TBCK: variants seen among roughly 807,000 people sequenced by gnomAD.
TBCK encodes TBC1 domain containing kinase.
Under a neutral mutation model 113.4 loss-of-function variants are expected in TBCK, and 99 were observed. The ratio of observed to expected loss-of-function variants is 0.87; its 90% CI spans 0.74 to 1.03. The LOEUF (loss-of-function observed/expected upper bound fraction) is 1.03. Ranked by LOEUF, TBCK falls within the 50% of genes least tolerant of loss-of-function variation. The pLI, the probability that TBCK is intolerant of heterozygous loss-of-function variation, is 0.00. For missense variants in TBCK, 1,045 were observed against 1,061.3 expected (o/e 0.98, Z 0.21); for synonymous variants, 369 against 370.8 (o/e 1.00, Z 0.05).
At chr4:106,223,133 A>C (rs945193518) in intron 19 of TBCK, among the ~76,000 whole-genome samples, 1 of 152,166 alleles carries the variant, frequency 6.6e-6, no homozygotes, top group Non-Finnish European at 1.5e-5. Context: ...AATATCATTA[A>C]AGTCATTAAG....
At chr4:106,237,397 C>T (rs1759593194) in intron 12 of TBCK, 2 of 422,836 alleles carry the variant, frequency 4.7e-6, no homozygotes, top group Admixed American at 2.6e-5. Flanking sequence ...GACAGGATTA[C>T]AGGTATTCTT....
rs192333637 is a variant in TBCK, at chr4:106,216,124, C to G, written c.1775-3289G>C. On this transcript the variant is annotated intron_variant, in intron 19 of 25. Coordinates refer to ENST00000394708, the MANE Select transcript of TBCK (RefSeq NM_001163435.3). ...CCTCCTCCTGAATGACTACTGGGTA[C>G]GTAACGAAATGAAGGCAGAAATAAA... Among the ~76,000 whole-genome samples, 12 of 152,142 alleles carry G rather than the reference C, an allele frequency of 7.9e-5. No homozygotes were observed. The East Asian group carries it at 2.3e-3, about 29-fold the overall frequency.
intron 25 of TBCK, among the ~76,000 whole-genome samples, chr4:106,090,942 C>A (rs1740151455): frequency 6.6e-6 from 1 of 152,210 alleles, no homozygotes; most frequent in African/African-American, 2.4e-5. Flanking sequence ...CTGTCTTCTT[C>A]TGAGCCTTCC....
intron 12 of TBCK, among the ~76,000 whole-genome samples, chr4:106,237,194 G>A (rs1241393029): frequency 6.6e-6 from 1 of 151,922 alleles, no homozygotes; most frequent in Non-Finnish European, 1.5e-5. Context: ...TATACTAAAA[G>A]AACAACTTAG....
intron 24 of TBCK, among the ~76,000 whole-genome samples, chr4:106,106,284 A>G (rs534210927): frequency 1.1e-3 from 173 of 152,306 alleles, no homozygotes; most frequent in African/African-American, 4.1e-3. Flanking sequence ...AAATTCAGGA[A>G]ATACAGAGAA....
chr4:106,112,359 A>T (rs1742966485), intron 24 of TBCK, among the ~76,000 whole-genome samples: 1 of 152,126 alleles, frequency 6.6e-6, no homozygotes, highest in Non-Finnish European at 1.5e-5. Flanking sequence ...TTCAGTTCTT[A>T]TCTTGTACTT....
chr4:106,174,825 T>C (rs1429414340), intron 22 of TBCK, among the ~76,000 whole-genome samples: 1 of 152,062 alleles, frequency 6.6e-6, no homozygotes, highest in Non-Finnish European at 1.5e-5. Context: ...CATTTCTATA[T>C]CAATTTCAAT....
intron 23 of TBCK, among the ~76,000 whole-genome samples, chr4:106,124,597 A>G (rs1472863436): frequency 1.3e-5 from 2 of 152,300 alleles, no homozygotes; most frequent in East Asian, 3.9e-4. Flanking sequence ...ACTTGGAGCC[A>G]ACCCAAATGT....
intron 23 of TBCK, among the ~76,000 whole-genome samples, chr4:106,150,833 TGA>T (rs1254941888): frequency 6.6e-6 from 1 of 152,168 alleles, no homozygotes; most frequent in African/African-American, 2.4e-5. Flanking sequence ...TTTGTTGAAA[TGA>T]GAGTTAACAC....
In TBCK at chr4:106,308,703, T is replaced by C. The variant is rs534652772; in HGVS notation, c.193+65A>G. On this transcript the variant is annotated intron_variant, in intron 2 of 25. Transcript: ENST00000394708. The stretch of plus-strand genomic sequence containing the variant: ...GATAGCTTTATATATTTAGTGGATA[T>C]AGTATTTATAACTTAGGGTAACAAA... 158 of 1,396,746 alleles carry C rather than the reference T, an allele frequency of 1.1e-4. 2 individuals are homozygous for C. In the South Asian group the frequency reaches 1.8e-3, roughly 16 times the overall value. The allele number at this position is 1,396,746 out of a possible 1,614,324, so 86.5% of individuals were successfully genotyped here.
At chr4:106,087,727 A>G (rs1171660499) in intron 25 of TBCK, among the ~76,000 whole-genome samples, 1 of 152,208 alleles carries the variant, frequency 6.6e-6, no homozygotes, top group Non-Finnish European at 1.5e-5. Context: ...ATTTGTACAT[A>G]TAGACCAACG....
At chr4:106,051,807 G>A (rs1734843222) in intron 25 of TBCK, among the ~76,000 whole-genome samples, 1 of 151,812 alleles carries the variant, frequency 6.6e-6, no homozygotes, top group Non-Finnish European at 1.5e-5. Flanking sequence ...ATGAAGTGCT[G>A]TCTTGTTCCA....
intron 25 of TBCK, among the ~76,000 whole-genome samples, chr4:106,058,619 T>C (rs1007499898): frequency 6.6e-6 from 1 of 151,666 alleles, no homozygotes; most frequent in African/African-American, 2.4e-5. Flanking sequence ...TGCAAGTAGG[T>C]AATTATGGCT....
intron 3 of TBCK, among the ~76,000 whole-genome samples, chr4:106,269,827 C>G (rs1324388445): frequency 5.3e-5 from 8 of 152,118 alleles, no homozygotes; most frequent in African/African-American, 1.7e-4. Context: ...AACTTGAATA[C>G]TAGATAACTT....
chr4:106,295,284 C>G (rs1766178001), intron 2 of TBCK, 118 bp from the exon 3 acceptor site: 1 of 702,850 alleles, frequency 1.4e-6, no homozygotes, highest in East Asian at 2.7e-5. Flanking sequence ...TTTAAAAGAG[C>G]CTTTCAAACT....
chr4:106,157,058 T>A (rs1191614932), intron 23 of TBCK, among the ~76,000 whole-genome samples: 1 of 152,130 alleles, frequency 6.6e-6, no homozygotes, highest in East Asian at 1.9e-4. Context: ...TATTCAGTAG[T>A]TGATGGGTCC....
chr4:106,102,265 C>T (rs770073036), intron 24 of TBCK, among the ~76,000 whole-genome samples: 9 of 152,130 alleles, frequency 5.9e-5, no homozygotes, highest in Non-Finnish European at 1.3e-4. Flanking sequence ...TTCCCTTGGC[C>T]CACATTGGGG....
At chr4:106,293,334 G>A (rs1765920875) in intron 3 of TBCK, among the ~76,000 whole-genome samples, 1 of 152,166 alleles carries the variant, frequency 6.6e-6, no homozygotes, top group Admixed American at 6.5e-5. Flanking sequence ...ATGAACATAA[G>A]CAACAGACTT....
intron 22 of TBCK, among the ~76,000 whole-genome samples, chr4:106,173,399 C>A (rs1253529144): frequency 1.3e-5 from 2 of 152,120 alleles, no homozygotes; most frequent in African/African-American, 4.8e-5. Context: ...AAATACTCAA[C>A]CATCTAAAGT....
Sources: gnomAD v4.1 joint callset for allele counts (sites outside exome capture counted in the v4.1 genomes callset) on GRCh38, gnomAD v4.1.1 for gene constraint, MANE v1.5 for transcripts, NCBI Gene and HGNC (gene_info 2026-07-23, HGNC 2026-07-21) for gene names.